RALYL: variants seen among roughly 807,000 people sequenced by gnomAD.
The protein encoded by RALYL is RALY RNA binding protein like.
RALYL carries 29 observed loss-of-function variants against 35.1 expected under a neutral mutation model. That is an observed-to-expected ratio of 0.83 (90% CI 0.61 to 1.13). RALYL has a LOEUF of 1.13. Ranked by LOEUF, RALYL falls within the 50% of genes most tolerant of loss-of-function variation. The pLI, the probability that RALYL is intolerant of heterozygous loss-of-function variation, is 0.00. For missense variants in RALYL, 359 were observed against 360.4 expected (o/e 1.00, Z 0.03); for synonymous variants, 120 against 127.6 (o/e 0.94, Z 0.40).
chr8:84,471,703 G>A (rs986800862), intron 1 of RALYL, among the ~76,000 whole-genome samples: 5 of 152,084 alleles, frequency 3.3e-5, no homozygotes, highest in African/African-American at 1.2e-4. Flanking sequence ...ATGCAGCATA[G>A]GCCTCATTTA....
intron 4 of RALYL, among the ~76,000 whole-genome samples, chr8:84,814,004 G>GT (rs1257938446): frequency 6.6e-6 from 1 of 150,788 alleles, no homozygotes; most frequent in African/African-American, 2.4e-5. Context: ...GCAGTGCTTG[G>GT]TTTTTTATCC....
intron 2 of RALYL, among the ~76,000 whole-genome samples, chr8:84,727,588 C>A (rs937376290): frequency 3.3e-5 from 5 of 151,778 alleles, no homozygotes; most frequent in African/African-American, 1.2e-4. Context: ...CGTCATCTAG[C>A]AATAGGTATA....
intron 2 of RALYL, among the ~76,000 whole-genome samples, chr8:84,652,919 G>T (rs955475764): frequency 2.0e-5 from 3 of 152,048 alleles, no homozygotes; most frequent in Non-Finnish European, 1.5e-5. Context: ...TTCAGACATT[G>T]CATCAATGTA....
At chr8:84,423,957 A>C (rs949342475) in intron 1 of RALYL, among the ~76,000 whole-genome samples, 40 of 151,750 alleles carry the variant, frequency 2.6e-4, no homozygotes, top group Admixed American at 1.8e-3. Flanking sequence ...GGGTAACCTG[A>C]CCTTTCTCTC....
chr8:84,593,918 A>G (rs991151439), intron 2 of RALYL, among the ~76,000 whole-genome samples: 13 of 151,902 alleles, frequency 8.6e-5, no homozygotes, highest in Non-Finnish European at 1.6e-4. Context: ...CTTTCCACCC[A>G]CTTGTTTATG....
At chr8:84,804,118 C>T (rs2134005202) in intron 3 of RALYL, among the ~76,000 whole-genome samples, 2 of 152,128 alleles carry the variant, frequency 1.3e-5, no homozygotes, top group Middle Eastern at 6.8e-3. Flanking sequence ...TAAGCCTAGC[C>T]CATTTTATAA....
intron 1 of RALYL, among the ~76,000 whole-genome samples, chr8:84,205,602 T>C (rs1186594122): frequency 6.6e-6 from 1 of 152,200 alleles, no homozygotes; most frequent in Non-Finnish European, 1.5e-5. Context: ...AAGGAATAAA[T>C]ATAGTGTATA....
chr8:84,269,887 A>G (rs1833981140), intron 1 of RALYL, among the ~76,000 whole-genome samples: 1 of 152,142 alleles, frequency 6.6e-6, no homozygotes, highest in African/African-American at 2.4e-5. Flanking sequence ...TTGATTATTA[A>G]TATTTTAAAA....
intron 2 of RALYL, among the ~76,000 whole-genome samples, chr8:84,579,318 G>A (rs1810286933): frequency 6.6e-6 from 1 of 152,202 alleles, no homozygotes; most frequent in African/African-American, 2.4e-5. Flanking sequence ...GGCAATGGGA[G>A]CAGGCCCTTT....
rs1343844646 is a variant in RALYL, at chr8:84,415,517, C to T, written c.-23-113782C>T. On this transcript the variant is annotated intron_variant, in intron 1 of 8. Transcript: ENST00000521268. The stretch of plus-strand genomic sequence containing the variant: ...CCTCCCAAAGTGCTGGTATTACAGG[C>T]GTGAGCCACCGCGCCCGGCCGACAC... Among the ~76,000 whole-genome samples the T allele has an allele frequency of 3.4e-5, 5 of 147,502 alleles. No homozygotes were observed. In the East Asian group the frequency reaches 6.0e-4, roughly 18 times the overall value.
intron 2 of RALYL, among the ~76,000 whole-genome samples, chr8:84,581,856 C>A (rs1003890950): frequency 2.6e-5 from 4 of 152,062 alleles, no homozygotes; most frequent in Non-Finnish European, 5.9e-5. Context: ...ATGAATTATT[C>A]TTTTTAATCA....
chr8:84,431,111 C>T (rs1485916438), intron 1 of RALYL, among the ~76,000 whole-genome samples: 2 of 152,172 alleles, frequency 1.3e-5, no homozygotes, highest in Non-Finnish European at 2.9e-5. Context: ...GTCCTGAGTA[C>T]TTACAGTGTG....
chr8:84,251,255 G>A (rs1237744329), intron 1 of RALYL, among the ~76,000 whole-genome samples: 1 of 152,114 alleles, frequency 6.6e-6, no homozygotes, highest in Non-Finnish European at 1.5e-5. Flanking sequence ...GTAGACCTCA[G>A]AGGAGGACTC....
chr8:84,863,650 G>A (rs939912703), intron 6 of RALYL, among the ~76,000 whole-genome samples: 1 of 152,022 alleles, frequency 6.6e-6, no homozygotes, highest in Non-Finnish European at 1.5e-5. Flanking sequence ...TTTTATTTCA[G>A]CACTATACTG....
chr8:84,366,064 T>C (rs1277133169), intron 1 of RALYL, among the ~76,000 whole-genome samples: 1 of 152,188 alleles, frequency 6.6e-6, no homozygotes, highest in African/African-American at 2.4e-5. Context: ...TATCATCCAG[T>C]TGTTTAACTG....
chr8:84,417,269 A>T (rs2044823843), intron 1 of RALYL, among the ~76,000 whole-genome samples: 1 of 152,154 alleles, frequency 6.6e-6, no homozygotes, highest in African/African-American at 2.4e-5. Context: ...TTAAAAATAT[A>T]ACAAGAGAGT....
At chr8:84,572,314 G>T (rs1808207328) in intron 2 of RALYL, among the ~76,000 whole-genome samples, 2 of 151,680 alleles carry the variant, frequency 1.3e-5, no homozygotes, top group African/African-American at 4.8e-5. Flanking sequence ...ATATTGATAT[G>T]TGAGAATTTT....
At chr8:84,588,254 C>T (rs1045423594) in intron 2 of RALYL, among the ~76,000 whole-genome samples, 1 of 152,106 alleles carries the variant, frequency 6.6e-6, no homozygotes, top group Non-Finnish European at 1.5e-5. Context: ...TCCCCTGTCA[C>T]CTTTTTGCCA....
At chr8:84,638,965 G>C (rs62530165) in intron 2 of RALYL, among the ~76,000 whole-genome samples, 88 of 116,022 alleles carry the variant, frequency 7.6e-4, no homozygotes, top group East Asian at 4.4e-3. Flanking sequence ...CACACACACA[G>C]ACACACACAC....
Sources: gnomAD v4.1 joint callset for allele counts (sites outside exome capture counted in the v4.1 genomes callset) on GRCh38, gnomAD v4.1.1 for gene constraint, MANE v1.5 for transcripts, NCBI Gene and HGNC (gene_info 2026-07-23, HGNC 2026-07-21) for gene names.